MYO3A: variants seen among roughly 807,000 people sequenced by gnomAD.
MYO3A encodes the protein myosin-IIIa.
Under a neutral mutation model 192.7 loss-of-function variants are expected in MYO3A, and 180 were observed. The ratio of observed to expected loss-of-function variants is 0.93; its 90% CI spans 0.83 to 1.06. The LOEUF (loss-of-function observed/expected upper bound fraction) is 1.06. Among genes scored for constraint, MYO3A ranks in the 50% least tolerant of loss-of-function variants. The pLI, the probability that MYO3A is intolerant of heterozygous loss-of-function variation, is 0.00. For missense variants in MYO3A, 1,896 were observed against 1,905.0 expected (o/e 1.00, Z 0.09); for synonymous variants, 628 against 645.3 (o/e 0.97, Z 0.41).
intron 17 of MYO3A, among the ~76,000 whole-genome samples, chr10:26,099,261 G>A (rs1043962518): frequency 6.6e-6 from 1 of 152,148 alleles, no homozygotes; most frequent in Admixed American, 6.5e-5. Context: ...CATTGATTTT[G>A]TATCCTGAGA....
intron 6 of MYO3A, among the ~76,000 whole-genome samples, chr10:26,004,752 G>C (rs1841077551): frequency 6.6e-6 from 1 of 152,140 alleles, no homozygotes; most frequent in Admixed American, 6.6e-5. Flanking sequence ...ATCTGGGACA[G>C]TTTGAGCACC....
chr10:25,987,012 CACATAGACCA>C (rs1426595502), intron 4 of MYO3A, among the ~76,000 whole-genome samples: 2 of 152,120 alleles, frequency 1.3e-5, no homozygotes, highest in Non-Finnish European at 2.9e-5. Flanking sequence ...CGAAAACAGG[CACATAGACCA>C]ACGGAACAGA....
chr10:26,131,437 G>T (rs535265050), intron 20 of MYO3A, among the ~76,000 whole-genome samples: 7 of 152,166 alleles, frequency 4.6e-5, no homozygotes, highest in Middle Eastern at 6.8e-3. Context: ...GTTTCCACCT[G>T]TTTGCATTAC....
intron 31 of MYO3A, among the ~76,000 whole-genome samples, chr10:26,180,699 A>G (rs925624366): frequency 2.1e-4 from 32 of 148,992 alleles, no homozygotes; most frequent in African/African-American, 8.1e-4. Context: ...AAAAGAGCCC[A>G]TTGGAAATAA....
Position 26,165,979 on chromosome 10 carries a change from C to G in MYO3A, c.3000-88C>G. ...TCAAGTCTGGGCATCTCTTCCTCAG[C>G]CCCTGCACTAAGTTGTTGGGGAACC... On this transcript the variant is annotated intron_variant, in intron 26 of 34. Coordinates refer to ENST00000642920, the MANE Select transcript of MYO3A (RefSeq NM_017433.5). 4 of 1,064,138 alleles carry G rather than the reference C, an allele frequency of 3.8e-6. No individual in the cohort carries two copies. In the South Asian group the frequency reaches 5.0e-5, roughly 13 times the overall value. 65.9% of individuals were successfully genotyped at this position (1,064,138 alleles called of 1,614,324 possible).
intron 32 of MYO3A, among the ~76,000 whole-genome samples, chr10:26,197,359 A>T (rs545292901): frequency 6.6e-6 from 1 of 152,316 alleles, no homozygotes; most frequent in Non-Finnish European, 1.5e-5. Flanking sequence ...CTCAGATAAA[A>T]CAAAAGTTTC....
At chr10:26,171,789 G>C (rs1004021065) in intron 29 of MYO3A, among the ~76,000 whole-genome samples, 1 of 152,130 alleles carries the variant, frequency 6.6e-6, no homozygotes, top group Non-Finnish European at 1.5e-5. Flanking sequence ...AATATAAACT[G>C]GCTGCAAATC....
intron 4 of MYO3A, among the ~76,000 whole-genome samples, chr10:25,958,094 G>A (rs1405162005): frequency 1.3e-5 from 2 of 152,132 alleles, no homozygotes. Context: ...AGTTTAATAA[G>A]ATTTCATTGG....
Position 26,088,317 on chromosome 10 carries a change from G to A in MYO3A, c.1474G>A (p.Glu492Lys). The A allele has an allele frequency of 6.2e-7, 1 of 1,613,910 alleles. No individual in the cohort carries two copies. The highest frequency in any genetic ancestry group is 8.5e-7 in the Non-Finnish European group (1 of 1,179,898). The part of the protein sequence containing the change: ...DNSSRFGKYL[E>K]MKFTSSGAVV... ...TTCTAGCAGATTTGGAAAATACTTA[G>A]AAATGAAATTCACCTCTTCTGGAGC... The change falls in exon 15 of 35, where the codon GAA becomes AAA. Residue 492 changes from glutamate (E) to lysine (K), a missense_variant. Physicochemically the swap from Glu to Lys is moderately conservative, Grantham distance 56 (BLOSUM62 1). Transcript: ENST00000642920.
At chr10:25,988,319 T>A (rs1485175217) in intron 4 of MYO3A, among the ~76,000 whole-genome samples, 1 of 152,078 alleles carries the variant, frequency 6.6e-6, no homozygotes, top group Non-Finnish European at 1.5e-5. Flanking sequence ...AAAGAACTTA[T>A]TCTTGTGACC....
chr10:26,115,158 T>C (rs1838425502), intron 17 of MYO3A, among the ~76,000 whole-genome samples: 1 of 152,060 alleles, frequency 6.6e-6, no homozygotes, highest in East Asian at 1.9e-4. Flanking sequence ...CATTGAAGGA[T>C]TTTAACTGGA....
chr10:26,126,919 T>C (rs958727432), intron 19 of MYO3A, among the ~76,000 whole-genome samples: 1 of 152,166 alleles, frequency 6.6e-6, no homozygotes, highest in Non-Finnish European at 1.5e-5. Context: ...GGGAGACCAA[T>C]TGAAATAATT....
Position 26,096,383 on chromosome 10 carries a change from G to A in MYO3A, c.1565G>A (p.Gly522Glu), listed in dbSNP as rs569894189. 19 of 1,603,314 alleles carry A rather than the reference G, an allele frequency of 1.2e-5. No individual in the cohort carries two copies. The Admixed American group carries it at 3.0e-4, about 25-fold the overall frequency. ...EKSRVIHQAI[G>E]EKNFHIFYYI... ...ACTGTAAATATCTTTTTTTCCAGTG[G>A]AGAAAAAAATTTTCATATTTTTTAC... The change falls in exon 16 of 35, where the codon GGA becomes GAA. Residue 522 changes from glycine (G) to glutamate (E), a missense_variant and splice_region_variant. Physicochemically the swap from Gly to Glu is moderately conservative, Grantham distance 98. Transcript: ENST00000642920.
Position 26,128,397 on chromosome 10 carries a change from T to C in MYO3A, c.2121T>C (p.Asn707=), listed in dbSNP as rs890908766. 3 of 1,613,022 alleles carry C rather than the reference T, an allele frequency of 1.9e-6. No homozygotes were observed. Among genetic ancestry groups the C allele is most frequent in the Admixed American group, 3.3e-5 (2 of 60,010 alleles). The change falls in exon 20 of 35, where the codon AAT becomes AAC. Residue 707 remains asparagine (N), a synonymous_variant. Coordinates refer to ENST00000642920, the MANE Select transcript of MYO3A (RefSeq NM_017433.5). ...LLKHDSSPSG[N]GDELSIGILD... is the part of the protein sequence containing the mutation. ...GCCTCTTCAATTCTTCTAGTGGGAATGGTGATGAGCTGAGCATTGGCATTC... is the reference window on the plus strand; with the variant it reads ...GCCTCTTCAATTCTTCTAGTGGGAACGGTGATGAGCTGAGCATTGGCATTC...
chr10:26,089,433 C>G (rs1379777318), intron 15 of MYO3A, among the ~76,000 whole-genome samples: 1 of 152,008 alleles, frequency 6.6e-6, no homozygotes, highest in Non-Finnish European at 1.5e-5. Context: ...AACCCCATCT[C>G]TACTAAAAAT....
chr10:26,102,998 G>A (rs148846709), intron 17 of MYO3A, among the ~76,000 whole-genome samples: 2,662 of 152,318 alleles, frequency 0.017, 84 homozygotes, highest in African/African-American at 0.058. Context: ...TTCCCCCAGA[G>A]GTGGAGTCTA....
At chr10:26,128,156 G>A (rs868039507) in intron 19 of MYO3A, among the ~76,000 whole-genome samples, 33 of 152,196 alleles carry the variant, frequency 2.2e-4, no homozygotes, top group African/African-American at 5.5e-4. Context: ...TAAAAGTATC[G>A]GAGTGGTTTC....
rs1402498865 is a variant in MYO3A, at chr10:25,997,161, A to T, written c.411A>T (p.Gly137=). 6.2e-7 allele frequency: 1 copy of T among 1,610,640 alleles called. No individual in the cohort carries two copies. The highest frequency in any genetic ancestry group is 2.2e-5 in the East Asian group (1 of 44,732). ...IAYILHEALM[G]LQHLHNNKTI... is the part of the protein sequence containing the mutation. ...ATTATATATTTCTTATCTTCTAGGG[A>T]CTTCAACATTTGCATAACAACAAAA... The change falls in exon 6 of 35, where the codon GGA becomes GGT. Residue 137 remains glycine, a splice_region_variant and synonymous_variant. Coordinates refer to ENST00000642920, the MANE Select transcript of MYO3A (RefSeq NM_017433.5).
intron 31 of MYO3A, among the ~76,000 whole-genome samples, chr10:26,177,872 G>A (rs1004935722): frequency 2.0e-5 from 3 of 152,236 alleles, no homozygotes; most frequent in Non-Finnish European, 4.4e-5. Flanking sequence ...CTATTTGCCT[G>A]ATATGAGAGG....
Sources: allele counts gnomAD v4.1 joint callset (sites outside exome capture counted in the v4.1 genomes callset), GRCh38; gene constraint gnomAD v4.1.1; transcripts MANE v1.5; gene names NCBI Gene and HGNC (gene_info 2026-07-23, HGNC 2026-07-21).